The following RNF130 variants were observed in gnomAD, a reference collection of about 807,000 sequenced individuals.
RNF130 encodes ring finger protein 130.
A neutral mutation model predicts 44.6 loss-of-function variants in RNF130; 21 were observed. The ratio of observed to expected loss-of-function variants is 0.47; its 90% CI spans 0.33 to 0.68. RNF130 has a LOEUF of 0.68. Ranked by LOEUF, RNF130 falls within the 30% of genes least tolerant of loss-of-function variation. RNF130 has a pLI of 0.02. For missense variants in RNF130, 479 were observed against 560.6 expected (o/e 0.85, Z 1.47); for synonymous variants, 214 against 210.4 (o/e 1.02, Z -0.15).
At chr5:179,958,802 T>G (rs1457280737) in intron 8 of RNF130, among the ~76,000 whole-genome samples, 1 of 152,186 alleles carries the variant, frequency 6.6e-6, no homozygotes, top group African/African-American at 2.4e-5. Flanking sequence ...TTCTCCTGTC[T>G]CAGCCTTAGC....
chr5:179,916,778 C>T (rs1761552289), exon 8 of RNF130: 1 of 152,300 alleles, frequency 6.6e-6, no homozygotes, highest in Non-Finnish European at 1.5e-5. Context: ...ACATGCTTAC[C>T]ACCATCAGTG....
rs896367142 is a variant in RNF130 at position 179,934,091 on chromosome 5, G to A, written c.1151-13665C>T. The A allele has an allele frequency of 1.4e-4, 33 of 241,382 alleles. 1 individual carries two copies. The South Asian group carries it at 1.6e-3, about 11-fold the overall frequency. 15.0% of individuals were successfully genotyped at this position (241,382 alleles called of 1,614,324 possible). ...TGCTTCATCACCGCAGTTAGAAACC[G>A]GAAGACGACTTTGAAGCACGGCCTA... is the stretch of plus-strand genomic sequence containing the variant. On this transcript the variant is annotated intron_variant, in intron 7 of 7. Transcript: ENST00000522208.
intron 7 of RNF130, among the ~76,000 whole-genome samples, chr5:179,966,519 T>A (rs972940447): frequency 7.2e-5 from 11 of 152,174 alleles, no homozygotes; most frequent in African/African-American, 2.2e-4. Context: ...TGCCTGTTTG[T>A]AATGCAATGA....
At position 179,937,848 on chromosome 5, in the gene RNF130, T is replaced by C. The variant is rs141600960; in HGVS notation, c.1151-17422A>G. Reference sequence around the variant, plus strand: ...AACAAATTGTGGTGTAGACATACAATGCACTGTTATTCAGCCATAAAAAAA... The same window carrying C: ...AACAAATTGTGGTGTAGACATACAACGCACTGTTATTCAGCCATAAAAAAA... On this transcript the variant is annotated intron_variant, in intron 7 of 7. Transcript: ENST00000522208. Among the ~76,000 whole-genome samples the C allele has an allele frequency of 5.3e-3, 809 of 151,218 alleles. 6 individuals carry two copies. The highest frequency in any genetic ancestry group is 9.2e-3 in the Non-Finnish European group (624 of 67,916).
chr5:179,982,166 C>T (rs563342777), intron 3 of RNF130, among the ~76,000 whole-genome samples: 4 of 151,810 alleles, frequency 2.6e-5, no homozygotes, highest in South Asian at 2.1e-4. Flanking sequence ...ACTGTGTGTA[C>T]GGCTTCTTTG....
rs115365361 is a variant in RNF130 at position 180,028,819 on chromosome 5, T to C, written c.442+11634A>G. On this transcript the variant is annotated intron_variant, in intron 2 of 8. Coordinates refer to ENST00000521389, the MANE Select transcript of RNF130 (RefSeq NM_018434.6). ...AGATATATTTTAAACAATTAAGTTA[T>C]ATGGAAAAACACCAGGAGAATGAAG... Among the ~76,000 whole-genome samples the C allele has an allele frequency of 3.2e-3, 489 of 152,344 alleles. 3 individuals carry two copies. Among genetic ancestry groups the C allele is most frequent in the African/African-American group, 0.011 (457 of 41,582 alleles).
chr5:179,967,240 T>A (rs1762471438), intron 6 of RNF130, among the ~76,000 whole-genome samples: 1 of 152,192 alleles, frequency 6.6e-6, no homozygotes, highest in South Asian at 2.1e-4. Context: ...AAAGGAAAAC[T>A]AAAATTCATT....
At chr5:180,056,992 T>C (rs1342404576) in intron 1 of RNF130, among the ~76,000 whole-genome samples, 1 of 152,256 alleles carries the variant, frequency 6.6e-6, no homozygotes, top group Non-Finnish European at 1.5e-5. Context: ...GTTTCTGTCA[T>C]AGAATTCCTA....
chr5:180,002,739 T>C (rs1029000532), intron 3 of RNF130, among the ~76,000 whole-genome samples: 3 of 152,186 alleles, frequency 2.0e-5, no homozygotes, highest in African/African-American at 2.4e-5. Context: ...TTCCCATCTC[T>C]ATGTGGCTAT....
chr5:179,957,231 G>A (rs1175675621), intron 8 of RNF130, among the ~76,000 whole-genome samples: 1 of 152,108 alleles, frequency 6.6e-6, no homozygotes, highest in Admixed American at 6.5e-5. Context: ...GGCCCACATG[G>A]CAAAACCCCA....
intron 7 of RNF130, among the ~76,000 whole-genome samples, chr5:179,931,974 C>A (rs1349865607): frequency 6.6e-6 from 1 of 152,134 alleles, no homozygotes; most frequent in Non-Finnish European, 1.5e-5. Flanking sequence ...TCTGAAGGAG[C>A]CAAGACAATA....
intron 7 of RNF130, among the ~76,000 whole-genome samples, chr5:179,946,554 A>ATTT (rs397701505): frequency 0.011 from 1,561 of 140,688 alleles, 33 homozygotes; most frequent in African/African-American, 0.039. Context: ...CCCACCGGGG[A>ATTT]TTTTTTTTTT....
intron 2 of RNF130, among the ~76,000 whole-genome samples, chr5:180,033,708 AG>A (rs1229915179): frequency 1.4e-5 from 2 of 145,948 alleles, no homozygotes; most frequent in Non-Finnish European, 1.5e-5. Flanking sequence ...AAAAAAAAAA[AG>A]AGAGAGAGAG....
chr5:180,058,595 G>A (rs576824678), intron 1 of RNF130, among the ~76,000 whole-genome samples: 29 of 152,184 alleles, frequency 1.9e-4, no homozygotes, highest in African/African-American at 6.3e-4. Flanking sequence ...TTGCTGTGTC[G>A]CCCAAGCTGG....
chr5:179,917,265 G>A (rs1336009532), exon 8 of RNF130: 1 of 151,304 alleles, frequency 6.6e-6, no homozygotes, highest in Non-Finnish European at 1.5e-5. Context: ...GGATGCTGAT[G>A]GCTGCCCTGG....
Position 180,071,481 on chromosome 5 carries a change from C to A in RNF130, c.222G>T (p.Val74=). ...CTCCGTGGAGGGGCAGCGGCGCCAG[C>A]ACCTGGCCGCGGACCTCGGCCTTGG... is the stretch of plus-strand genomic sequence containing the variant. ...DSPKAEVRGQ[V]LAPLPLHGVA... The change falls in exon 1 of 9, where the codon GTG becomes GTT. Residue 74 remains valine, a synonymous_variant. Transcript: ENST00000521389. 1.6e-6 allele frequency: 2 copies of A among 1,252,956 alleles called. No individual in the cohort carries two copies. The highest frequency in any genetic ancestry group is 2.0e-6 in the Non-Finnish European group (2 of 996,682). 77.6% of individuals were successfully genotyped at this position (1,252,956 alleles called of 1,614,324 possible).
intron 7 of RNF130, among the ~76,000 whole-genome samples, chr5:179,965,151 C>T (rs1414246459): frequency 6.6e-6 from 1 of 152,138 alleles, no homozygotes; most frequent in Non-Finnish European, 1.5e-5. Context: ...TGTGTGATTG[C>T]AATTTTAAAA....
At chr5:180,055,363 GAAGT>G (rs1389543650) in intron 1 of RNF130, among the ~76,000 whole-genome samples, 1 of 149,568 alleles carries the variant, frequency 6.7e-6, no homozygotes, top group Non-Finnish European at 1.5e-5. Context: ...TGCCCAGCTA[GAAGT>G]AAGTTAAGTT....
chr5:179,975,233 T>G (rs1762690845), intron 5 of RNF130, among the ~76,000 whole-genome samples: 1 of 152,234 alleles, frequency 6.6e-6, no homozygotes, highest in African/African-American at 2.4e-5. Flanking sequence ...AGCGGCAGTT[T>G]GGTGAGCGCG....
Sources: gnomAD v4.1 joint callset for allele counts (sites outside exome capture counted in the v4.1 genomes callset) on GRCh38, gnomAD v4.1.1 for gene constraint, MANE v1.5 for transcripts, NCBI Gene and HGNC (gene_info 2026-07-23, HGNC 2026-07-21) for gene names.